The following CORIN variants were observed in gnomAD, a reference collection of about 807,000 sequenced individuals.
The protein encoded by CORIN is atrial natriuretic peptide-converting enzyme.
A neutral mutation model predicts 125.3 loss-of-function variants in CORIN; 117 were observed. The observed-to-expected ratio is 0.93, with a 90% CI of 0.80 to 1.09. The LOEUF is 1.09. Among genes scored for constraint, CORIN ranks in the 50% least tolerant of loss-of-function variants. The pLI is 0.00. For missense variants in CORIN, 1,253 were observed against 1,306.7 expected (o/e 0.96, Z 0.63); for synonymous variants, 450 against 466.4 (o/e 0.96, Z 0.45).
intron 16 of CORIN, among the ~76,000 whole-genome samples, chr4:47,636,549 G>A (rs1723034695): frequency 6.6e-6 from 1 of 152,134 alleles, no homozygotes; most frequent in Admixed American, 6.5e-5. Flanking sequence ...GAGGAAACTG[G>A]TAGGAGGTGA....
chr4:47,657,954 C>G (rs889405218), intron 12 of CORIN, among the ~76,000 whole-genome samples: 1 of 152,162 alleles, frequency 6.6e-6, no homozygotes, highest in Non-Finnish European at 1.5e-5. Flanking sequence ...ATGTCTTTCT[C>G]ACATTTCAAA....
intron 13 of CORIN, among the ~76,000 whole-genome samples, chr4:47,646,278 GT>G (rs1379315185): frequency 6.6e-6 from 1 of 152,064 alleles, no homozygotes; most frequent in African/African-American, 2.4e-5. Flanking sequence ...GAGGCCATCT[GT>G]TTTTTTAGCA....
intron 1 of CORIN, among the ~76,000 whole-genome samples, chr4:47,820,145 A>G (rs1437365839): frequency 1.3e-5 from 2 of 152,190 alleles, no homozygotes; most frequent in African/African-American, 4.8e-5. Flanking sequence ...TGCCAGTTTA[A>G]ATACATAGTG....
chr4:47,795,013 T>C (rs943547567), intron 2 of CORIN, among the ~76,000 whole-genome samples: 1 of 152,178 alleles, frequency 6.6e-6, no homozygotes, highest in Non-Finnish European at 1.5e-5. Flanking sequence ...GATGTGGATA[T>C]GCAATTTTCC....
At chr4:47,602,165 G>A (rs1354882386) in intron 20 of CORIN, among the ~76,000 whole-genome samples, 1 of 152,126 alleles carries the variant, frequency 6.6e-6, no homozygotes, top group Admixed American at 6.5e-5. Flanking sequence ...CAGCTACTCG[G>A]GAGGCTGAGG....
intron 11 of CORIN, among the ~76,000 whole-genome samples, chr4:47,663,255 C>T (rs960856894): frequency 2.0e-5 from 3 of 152,052 alleles, no homozygotes; most frequent in African/African-American, 4.8e-5. Context: ...ATTTTGAGTA[C>T]GCTACAGCAT....
intron 11 of CORIN, among the ~76,000 whole-genome samples, chr4:47,664,548 G>A (rs552413159): frequency 2.0e-5 from 3 of 152,146 alleles, no homozygotes; most frequent in East Asian, 3.9e-4. Context: ...TTGAAATAGC[G>A]CATCTTATTT....
intron 1 of CORIN, among the ~76,000 whole-genome samples, chr4:47,813,827 C>G (rs1182837474): frequency 1.3e-5 from 2 of 152,106 alleles, no homozygotes; most frequent in Non-Finnish European, 2.9e-5. Context: ...TAGAGGTTAT[C>G]CTAATTCATA....
intron 2 of CORIN, among the ~76,000 whole-genome samples, chr4:47,806,197 AAG>A (rs58020841): frequency 1.2e-3 from 176 of 152,252 alleles, no homozygotes; most frequent in African/African-American, 4.0e-3. Flanking sequence ...TGCAATCCTT[AAG>A]TCTCCTCCTT....
At chr4:47,613,548 G>A (rs946613143) in intron 19 of CORIN, among the ~76,000 whole-genome samples, 1 of 151,876 alleles carries the variant, frequency 6.6e-6, no homozygotes, top group Non-Finnish European at 1.5e-5. Flanking sequence ...GCAAAGACTT[G>A]GAACCAACCC....
chr4:47,679,090 C>T (rs1725149480), intron 8 of CORIN, among the ~76,000 whole-genome samples: 1 of 152,192 alleles, frequency 6.6e-6, no homozygotes, highest in South Asian at 2.1e-4. Flanking sequence ...CTTACTTTTA[C>T]TAGACACAAA....
intron 3 of CORIN, among the ~76,000 whole-genome samples, chr4:47,764,900 T>A (rs1033852567): frequency 2.6e-5 from 4 of 152,220 alleles, no homozygotes; most frequent in African/African-American, 7.2e-5. Context: ...GCTTTTGGGC[T>A]TATGCTTTTG....
chr4:47,643,391 C>T, intron 14 of CORIN, 135 bp from the exon 15 acceptor site: 1 of 712,488 alleles, frequency 1.4e-6, no homozygotes, highest in Non-Finnish European at 2.3e-6. Context: ...TCCAAACGGG[C>T]ATAAAAACAG....
intron 16 of CORIN, among the ~76,000 whole-genome samples, chr4:47,638,089 T>C (rs560956132): frequency 1.0e-3 from 159 of 152,378 alleles, no homozygotes; most frequent in African/African-American, 3.8e-3. Flanking sequence ...AGTTTTAAGA[T>C]TTGACTGCCC....
intron 19 of CORIN, among the ~76,000 whole-genome samples, chr4:47,609,474 A>T (rs1468315174): frequency 6.6e-6 from 1 of 152,182 alleles, no homozygotes; most frequent in African/African-American, 2.4e-5. Flanking sequence ...TCCTGACCTC[A>T]GGTGATCCAC....
chr4:47,600,841 T>G (rs1721422409), intron 20 of CORIN, among the ~76,000 whole-genome samples: 1 of 152,236 alleles, frequency 6.6e-6, no homozygotes, highest in South Asian at 2.1e-4. Context: ...CAGCAGCCAT[T>G]ACTTGATGTA....
chr4:47,795,889 G>A (rs780203136), intron 2 of CORIN, among the ~76,000 whole-genome samples: 8 of 151,994 alleles, frequency 5.3e-5, no homozygotes, highest in Non-Finnish European at 1.2e-4. Flanking sequence ...AGTCATTAGC[G>A]AAATGCAAAT....
At chr4:47,759,923 T>C (rs775429401) in intron 4 of CORIN, among the ~76,000 whole-genome samples, 26 of 152,252 alleles carry the variant, frequency 1.7e-4, no homozygotes, top group Admixed American at 1.1e-3. Flanking sequence ...CACTAAAGTC[T>C]TGAACTTCTC....
At chr4:47,598,412 A>G (rs2109499218) in intron 21 of CORIN, among the ~76,000 whole-genome samples, 1 of 152,278 alleles carries the variant, frequency 6.6e-6, no homozygotes, top group South Asian at 2.1e-4. Context: ...CTCAGTATAC[A>G]CCACTGAACT....
Sources: gnomAD v4.1 joint callset for allele counts (sites outside exome capture counted in the v4.1 genomes callset) on GRCh38, gnomAD v4.1.1 for gene constraint, MANE v1.5 for transcripts, NCBI Gene and HGNC (gene_info 2026-07-23, HGNC 2026-07-21) for gene names.